The following SAMHD1 variants were observed in gnomAD, a reference collection of about 807,000 sequenced individuals.
SAMHD1 encodes the protein SAM and HD domain containing deoxynucleoside triphosphate triphosphohydrolase 1, also known as deoxynucleoside triphosphate triphosphohydrolase SAMHD1.
Under a neutral mutation model 79.6 loss-of-function variants are expected in SAMHD1, and 54 were observed. The observed-to-expected ratio is 0.68, with a 90% CI of 0.55 to 0.85. SAMHD1 has a LOEUF of 0.85. Ranked by LOEUF, SAMHD1 falls within the 40% of genes least tolerant of loss-of-function variation. The pLI is 0.00. For missense variants in SAMHD1, 663 were observed against 782.7 expected, an observed-to-expected ratio of 0.85 and a Z score of 1.82; for synonymous variants, 260 against 264.1, an observed-to-expected ratio of 0.98 and a Z score of 0.15.
chr20:36,948,109 C>T (rs555067256), intron 1 of SAMHD1, among the ~76,000 whole-genome samples: 1 of 151,968 alleles, frequency 6.6e-6, no homozygotes, highest in Non-Finnish European at 1.5e-5. Context: ...CTTTGGACCT[C>T]GCATACATCA....
rs768409471 is a variant in SAMHD1 at position 36,904,183 on chromosome 20, GT to G, written c.1476del (p.Lys492AsnfsTer2). 1.1e-5 allele frequency: 18 copies of G among 1,613,260 alleles called. No individual in the cohort carries two copies. The highest frequency in any genetic ancestry group is 1.5e-5 in the Non-Finnish European group (18 of 1,179,300). ...SAKPKVLLDV[K>X]LKAEDFIVDV... The stretch of plus-strand genomic sequence containing the variant: ...TCCACTATAAAATCTTCAGCCTTCA[GT>G]TTCACGTCTAGCAATACTTTGGGTT... On this transcript the variant is annotated frameshift_variant, in exon 13 of 16. Coordinates refer to ENST00000646673, the MANE Select transcript of SAMHD1 (RefSeq NM_015474.4). LOFTEE classifies it high-confidence loss of function.
Position 36,892,406 on chromosome 20 carries a change from A to G in SAMHD1, c.*526T>C, listed in dbSNP as rs1990098567. 5.2e-6 allele frequency: 1 copy of G among 192,256 alleles called. No individual in the cohort carries two copies. Among genetic ancestry groups the G allele is most frequent in the Non-Finnish European group, 1.1e-5 (1 of 93,038 alleles). 11.9% of individuals were successfully genotyped at this position (192,256 alleles called of 1,614,324 possible). A position where few individuals can be genotyped will look rare whatever the true frequency, so the allele number is the denominator to read the frequency against. On this transcript the variant is annotated 3_prime_UTR_variant, in exon 16 of 16. Coordinates refer to ENST00000646673, the MANE Select transcript of SAMHD1 (RefSeq NM_015474.4). ...AGGATTTGATGTTTTGTTTTTAGCC[A>G]TGTTTGTCAATGACAATGTCAATTT...
intron 4 of SAMHD1, among the ~76,000 whole-genome samples, chr20:36,931,526 A>G (rs1443347795): frequency 1.3e-5 from 2 of 152,146 alleles, no homozygotes. Context: ...AATCCCAGCT[A>G]TTTGGGAGGC....
At chr20:36,894,440 C>T (rs989059448) in intron 15 of SAMHD1, among the ~76,000 whole-genome samples, 2 of 151,800 alleles carry the variant, frequency 1.3e-5, no homozygotes, top group Non-Finnish European at 2.9e-5. Context: ...ACTATGTTGG[C>T]CAGGATGGTC....
intron 15 of SAMHD1, 151 bp from the exon 16 acceptor site, chr20:36,893,217 G>T: frequency 1.1e-6 from 1 of 933,838 alleles, no homozygotes; most frequent in Non-Finnish European, 1.6e-6. Context: ...AATTACATAT[G>T]CCCTGTGCTT....
intron 9 of SAMHD1, among the ~76,000 whole-genome samples, chr20:36,915,914 C>A (rs1490841273): frequency 6.6e-6 from 1 of 152,034 alleles, no homozygotes; most frequent in Admixed American, 6.6e-5. Flanking sequence ...AATCCCAGCA[C>A]TTTGGGAGGC....
intron 12 of SAMHD1, chr20:36,904,889 G>A (rs189782939): frequency 1.7e-4 from 32 of 185,784 alleles, no homozygotes; most frequent in South Asian, 1.5e-3. Flanking sequence ...TCTTCAACAA[G>A]TAGGAGGTGA....
intron 13 of SAMHD1, among the ~76,000 whole-genome samples, chr20:36,903,674 C>T (rs893177395): frequency 1.3e-5 from 2 of 150,694 alleles, no homozygotes; most frequent in Admixed American, 1.3e-4. Context: ...CTCAGCCTCC[C>T]GAGTAGCTGG....
At chr20:36,918,860 G>A (rs1358191244) in intron 7 of SAMHD1, among the ~76,000 whole-genome samples, 3 of 146,862 alleles carry the variant, frequency 2.0e-5, no homozygotes, top group Non-Finnish European at 4.5e-5. Context: ...TTTATGCCAA[G>A]CACAGTGGCT....
chr20:36,933,469 T>A (rs1279047589), intron 4 of SAMHD1, among the ~76,000 whole-genome samples: 1 of 152,128 alleles, frequency 6.6e-6, no homozygotes, highest in South Asian at 2.1e-4. Flanking sequence ...TAATTAGTTG[T>A]ATCAGCAACC....
chr20:36,927,793 AC>A (rs1348080432), intron 5 of SAMHD1, among the ~76,000 whole-genome samples: 1 of 152,178 alleles, frequency 6.6e-6, no homozygotes, highest in Non-Finnish European at 1.5e-5. Context: ...ACCAGGTTTT[AC>A]ATAAATCTGA....
intron 3 of SAMHD1, among the ~76,000 whole-genome samples, chr20:36,939,075 CAAAAAA>C (rs1178988134): frequency 9.3e-4 from 21 of 22,532 alleles, no homozygotes; most frequent in African/African-American, 3.1e-3. Flanking sequence ...CTAAAAATAC[CAAAAAA>C]AAAAAAAAAA....
intron 3 of SAMHD1, among the ~76,000 whole-genome samples, chr20:36,939,451 C>A (rs1197237773): frequency 2.0e-5 from 3 of 151,736 alleles, no homozygotes; most frequent in South Asian, 2.1e-4. Context: ...CAAAAACTAG[C>A]TGGGCATGGT....
chr20:36,912,885 CTTTG>C (rs2063451928), intron 9 of SAMHD1, among the ~76,000 whole-genome samples: 7 of 8,150 alleles, frequency 8.6e-4, no homozygotes, highest in South Asian at 3.5e-3. Flanking sequence ...AACTTTCATT[CTTTG>C]TTTTTTTTTT....
intron 6 of SAMHD1, among the ~76,000 whole-genome samples, chr20:36,921,133 G>C (rs35074988): frequency 0.75 from 114,426 of 151,840 alleles, 43,690 homozygotes; most frequent in East Asian, 0.96. Flanking sequence ...AGTAGCTCAC[G>C]CCTGTAATCC....
In SAMHD1 at chr20:36,921,282, A is replaced by G. The variant is rs1399964628; in HGVS notation, c.697-1763T>C. On this transcript the variant is annotated intron_variant, in intron 6 of 15. Coordinates refer to ENST00000646673, the MANE Select transcript of SAMHD1 (RefSeq NM_015474.4). ...GTGGCATGCACCTGTAGTCCCAGCT[A>G]CTCAGGAGGCTGAAGCAGGAGAAAC... Among the ~76,000 whole-genome samples, 8 of 150,188 alleles carry G rather than the reference A, an allele frequency of 5.3e-5. No homozygotes were observed. In the East Asian group the frequency reaches 1.4e-3, roughly 26 times the overall value.
intron 3 of SAMHD1, among the ~76,000 whole-genome samples, chr20:36,939,553 C>T (rs1169438972): frequency 1.3e-5 from 2 of 151,900 alleles, no homozygotes; most frequent in African/African-American, 2.4e-5. Flanking sequence ...CCAGATTGTG[C>T]CACTGCACTC....
In SAMHD1 at chr20:36,916,768, C is replaced by T. The variant is rs201250022; in HGVS notation, c.1016G>A (p.Arg339His). ...FDYKRFIKFA[R>H]VCEVDNELRI... Reference sequence around the variant, plus strand: ...CAACTCATTGTCTACTTCACAGACACGGGCAAACTTAATAAAGCGCTTGTA... The same window carrying T: ...CAACTCATTGTCTACTTCACAGACATGGGCAAACTTAATAAAGCGCTTGTA... The change falls in exon 9 of 16, where the codon CGT becomes CAT. Residue 339 changes from arginine to histidine, a missense_variant. Coordinates refer to ENST00000646673, the MANE Select transcript of SAMHD1 (RefSeq NM_015474.4). 2.8e-5 allele frequency: 45 copies of T among 1,613,840 alleles called. No individual in the cohort carries two copies. The highest frequency in any genetic ancestry group is 6.7e-5 in the Admixed American group (4 of 59,970).
At chr20:36,923,167 A>AT (rs772866572) in intron 6 of SAMHD1, among the ~76,000 whole-genome samples, 35 of 151,128 alleles carry the variant, frequency 2.3e-4, no homozygotes, top group Non-Finnish European at 3.2e-4. Context: ...CACCCAGCCA[A>AT]TTTTTTTGTA....
Sources: gnomAD v4.1 joint callset for allele counts (sites outside exome capture counted in the v4.1 genomes callset) on GRCh38, gnomAD v4.1.1 for gene constraint, MANE v1.5 for transcripts, NCBI Gene and HGNC (gene_info 2026-07-23, HGNC 2026-07-21) for gene names.